Variants in PSTPIP2 observed in about 807,000 individuals in gnomAD.
The protein encoded by PSTPIP2 is proline-serine-threonine phosphatase-interacting protein 2.
Under a neutral mutation model 63.3 loss-of-function variants are expected in PSTPIP2, and 33 were observed. That is an observed-to-expected ratio of 0.52 (90% CI 0.40 to 0.70). PSTPIP2 has a LOEUF of 0.70. Among genes scored for constraint, PSTPIP2 ranks in the 30% least tolerant of loss-of-function variants. PSTPIP2 has a pLI of 0.00. For synonymous variants in PSTPIP2, 125 were observed against 132.7 expected (o/e 0.94, Z 0.40); for missense variants, 312 against 400.7 (o/e 0.78, Z 1.89).
At chr18:46,011,834 C>T (rs2051799818) in intron 4 of PSTPIP2, among the ~76,000 whole-genome samples, 1 of 152,020 alleles carries the variant, frequency 6.6e-6, no homozygotes, top group South Asian at 2.1e-4. Flanking sequence ...AATACTTGTT[C>T]TAAGAAAACA....
intron 3 of PSTPIP2, among the ~76,000 whole-genome samples, chr18:46,019,544 T>C (rs2144091030): frequency 6.6e-6 from 1 of 152,268 alleles, no homozygotes; most frequent in African/African-American, 2.4e-5. Flanking sequence ...CTCACCCCTG[T>C]AATCCCAGCA....
intron 1 of PSTPIP2, among the ~76,000 whole-genome samples, chr18:46,064,282 C>CTTTTTTTT (rs56236802): frequency 1.2e-3 from 85 of 71,544 alleles, no homozygotes; most frequent in Non-Finnish European, 1.3e-3. Context: ...CTTTTTCTTT[C>CTTTTTTTT]TTTTTTTTTT....
intron 6 of PSTPIP2, among the ~76,000 whole-genome samples, chr18:46,003,284 A>C (rs1005739577): frequency 2.0e-5 from 3 of 152,152 alleles, no homozygotes; most frequent in Non-Finnish European, 2.9e-5. Flanking sequence ...GCTCCCAATA[A>C]CACTGTGTAG....
intron 5 of PSTPIP2, among the ~76,000 whole-genome samples, chr18:46,009,376 A>C (rs2051768558): frequency 1.5e-5 from 2 of 134,572 alleles, no homozygotes; most frequent in African/African-American, 5.8e-5. Flanking sequence ...AAAAAAAAAA[A>C]AAAAAAAAAA....
intron 8 of PSTPIP2, among the ~76,000 whole-genome samples, chr18:45,998,143 C>T (rs564759022): frequency 7.9e-5 from 12 of 152,286 alleles, no homozygotes; most frequent in African/African-American, 2.9e-4. Context: ...CTCAGTATTT[C>T]CCATCGCTTT....
intron 1 of PSTPIP2, among the ~76,000 whole-genome samples, chr18:46,052,610 A>C (rs1169637708): frequency 6.6e-6 from 1 of 152,182 alleles, no homozygotes; most frequent in Non-Finnish European, 1.5e-5. Flanking sequence ...ACCTCAGTGC[A>C]TTCATTCCCA....
intron 13 of PSTPIP2, among the ~76,000 whole-genome samples, chr18:45,990,435 T>C (rs200462412): frequency 0.03 from 4,431 of 147,438 alleles, 87 homozygotes; most frequent in Non-Finnish European, 0.034. Context: ...TTTGTTTGTT[T>C]GTTTGTTTGT....
intron 1 of PSTPIP2, among the ~76,000 whole-genome samples, chr18:46,047,253 A>T (rs886227669): frequency 6.6e-6 from 1 of 152,140 alleles, no homozygotes; most frequent in Non-Finnish European, 1.5e-5. Flanking sequence ...AATTCTGCAT[A>T]TATGGATTAT....
intron 1 of PSTPIP2, among the ~76,000 whole-genome samples, chr18:46,057,277 G>A (rs9966603): frequency 0.12 from 18,018 of 151,894 alleles, 1,522 homozygotes; most frequent in East Asian, 0.4. Context: ...AGGTGCACAT[G>A]ACTTAACCAC....
intron 1 of PSTPIP2, among the ~76,000 whole-genome samples, chr18:46,067,761 C>T (rs1463955588): frequency 6.6e-6 from 1 of 152,184 alleles, no homozygotes; most frequent in Non-Finnish European, 1.5e-5. Context: ...TAAGTATTGC[C>T]TGCCCACTTT....
At chr18:46,053,550 A>G (rs1241209882) in intron 1 of PSTPIP2, among the ~76,000 whole-genome samples, 1 of 152,246 alleles carries the variant, frequency 6.6e-6, no homozygotes, top group Non-Finnish European at 1.5e-5. Context: ...GTATGCAAAC[A>G]TCTTGATGTG....
At chr18:46,016,696 A>G (rs888752822) in intron 3 of PSTPIP2, among the ~76,000 whole-genome samples, 18 of 152,162 alleles carry the variant, frequency 1.2e-4, no homozygotes, top group African/African-American at 4.3e-4. Context: ...GCCAGTCTGA[A>G]TATGGTTTAG....
rs1485441640 is a variant in PSTPIP2, at chr18:45,999,424, C to A, written c.516+12G>T. 3 of 1,614,080 alleles carry A rather than the reference C, an allele frequency of 1.9e-6. No homozygotes were observed. The South Asian group carries it at 3.3e-5, about 18-fold the overall frequency. ...GTCTCAGATTTTTCGGGTTGTTAGCCCTCCTGGGTACCTTTTCTTGTTGCT... is the reference window on the plus strand; with the variant it reads ...GTCTCAGATTTTTCGGGTTGTTAGCACTCCTGGGTACCTTTTCTTGTTGCT... On this transcript the variant is annotated intron_variant, in intron 7 of 14. Transcript: ENST00000409746.
chr18:46,051,102 G>T (rs988339094), intron 1 of PSTPIP2, among the ~76,000 whole-genome samples: 2 of 152,174 alleles, frequency 1.3e-5, no homozygotes, highest in African/African-American at 4.8e-5. Context: ...GACCTCAGGT[G>T]ATCCACCTGC....
rs193172002 is a variant in PSTPIP2, at chr18:46,003,629, G to T, written c.417+1840C>A. Reference sequence around the variant, plus strand: ...CTATGACCATTGGCATTTCTGGGATGCCTGCTTCTTTGGCACTCAGTCTGT... The same window carrying T: ...CTATGACCATTGGCATTTCTGGGATTCCTGCTTCTTTGGCACTCAGTCTGT... On this transcript the variant is annotated intron_variant, in intron 6 of 14. Coordinates refer to ENST00000409746, the MANE Select transcript of PSTPIP2 (RefSeq NM_024430.4). 9.9e-5 allele frequency among the ~76,000 whole-genome samples: 15 copies of T among 151,776 alleles called. No individual in the cohort carries two copies. The East Asian group carries it at 2.9e-3, about 29-fold the overall frequency.
chr18:45,983,903 T>C lies in PSTPIP2; in HGVS notation c.*1556A>G, dbSNP rs1306136787. On this transcript the variant is annotated 3_prime_UTR_variant, in exon 15 of 15. Coordinates refer to ENST00000409746, the MANE Select transcript of PSTPIP2 (RefSeq NM_024430.4). Reference sequence around the variant, plus strand: ...GGCTCACGCCTGTAATCCCAGCACTTTGGGAGGCCGAGGCAGGTGGATCAC... The same window carrying C: ...GGCTCACGCCTGTAATCCCAGCACTCTGGGAGGCCGAGGCAGGTGGATCAC... 2.0e-5 allele frequency: 3 copies of C among 152,164 alleles called. No individual in the cohort carries two copies. The highest frequency in any genetic ancestry group is 1.9e-4 in the East Asian group (1 of 5,178). 9.4% of individuals were successfully genotyped at this position (152,164 alleles called of 1,614,324 possible). A position where few individuals can be genotyped will look rare whatever the true frequency, so the allele number is the denominator to read the frequency against.
chr18:46,043,993 C>T (rs542149925), intron 1 of PSTPIP2, among the ~76,000 whole-genome samples: 3 of 152,104 alleles, frequency 2.0e-5, no homozygotes, highest in Non-Finnish European at 2.9e-5. Context: ...TGGAAGAAGA[C>T]CTAAATAAAA....
intron 12 of PSTPIP2, among the ~76,000 whole-genome samples, chr18:45,991,419 A>T (rs2051531246): frequency 6.6e-6 from 1 of 152,204 alleles, no homozygotes; most frequent in Admixed American, 6.5e-5. Context: ...GCCATAGACA[A>T]AACCTCAGTG....
intron 10 of PSTPIP2, among the ~76,000 whole-genome samples, chr18:45,992,996 G>A (rs1048640416): frequency 6.6e-6 from 1 of 152,174 alleles, no homozygotes; most frequent in Non-Finnish European, 1.5e-5. Context: ...AAAGTGCTGG[G>A]ATTACAGGTG....
Sources: gnomAD v4.1 joint callset for allele counts (sites outside exome capture counted in the v4.1 genomes callset) on GRCh38, gnomAD v4.1.1 for gene constraint, MANE v1.5 for transcripts, NCBI Gene and HGNC (gene_info 2026-07-23, HGNC 2026-07-21) for gene names.